MDGA2: variants seen among roughly 807,000 people sequenced by gnomAD.
MDGA2 encodes MAM domain containing glycosylphosphatidylinositol anchor 2.
Under a neutral mutation model 117.8 loss-of-function variants are expected in MDGA2, and 40 were observed. That is an observed-to-expected ratio of 0.34 (90% CI 0.26 to 0.44). MDGA2 has a LOEUF of 0.44. MDGA2 is among the 20% of genes least tolerant of loss of function. The pLI is 1.00. For synonymous variants in MDGA2, 452 were observed against 439.0 expected (o/e 1.03, Z -0.37); for missense variants, 1,123 against 1,250.6 (o/e 0.90, Z 1.54).
intron 10 of MDGA2, among the ~76,000 whole-genome samples, chr14:46,919,035 T>C (rs969345054): frequency 5.3e-5 from 8 of 152,186 alleles, no homozygotes; most frequent in Non-Finnish European, 1.0e-4. Context: ...GTGCTGGGAT[T>C]ACAGGCGTGA....
intron 1 of MDGA2, among the ~76,000 whole-genome samples, chr14:47,339,242 CTTTA>C: frequency 6.6e-6 from 1 of 151,896 alleles, no homozygotes; most frequent in Non-Finnish European, 1.5e-5. Context: ...TTTTGCATGG[CTTTA>C]TTTAATATTA....
chr14:47,290,537 T>C (rs1888846070), intron 2 of MDGA2, among the ~76,000 whole-genome samples: 1 of 152,034 alleles, frequency 6.6e-6, no homozygotes, highest in African/African-American at 2.4e-5. Context: ...TCTTAAGAAA[T>C]AAAAACAAAA....
chr14:47,191,213 C>A (rs1240877345), intron 3 of MDGA2, among the ~76,000 whole-genome samples: 1 of 151,784 alleles, frequency 6.6e-6, no homozygotes, highest in Non-Finnish European at 1.5e-5. Context: ...CATATTAGCA[C>A]TTCAAATATT....
chr14:47,199,038 T>C (rs906540731), intron 3 of MDGA2, among the ~76,000 whole-genome samples: 1 of 152,124 alleles, frequency 6.6e-6, no homozygotes, highest in African/African-American at 2.4e-5. Context: ...TAAGTTTCCA[T>C]CCTGCTGCTT....
chr14:47,547,146 A>G (rs1895478766), intron 1 of MDGA2, among the ~76,000 whole-genome samples: 1 of 152,168 alleles, frequency 6.6e-6, no homozygotes, highest in South Asian at 2.1e-4. Context: ...GTCCTAACCT[A>G]ATTTTTTCAT....
At chr14:46,872,124 C>G (rs1284743271) in intron 14 of MDGA2, among the ~76,000 whole-genome samples, 1 of 151,976 alleles carries the variant, frequency 6.6e-6, no homozygotes, top group African/African-American at 2.4e-5. Context: ...TTCACACAAA[C>G]TTCTTGAGGT....
At chr14:46,843,715 C>G (rs906658132) in intron 16 of MDGA2, among the ~76,000 whole-genome samples, 8 of 152,000 alleles carry the variant, frequency 5.3e-5, no homozygotes, top group Non-Finnish European at 1.2e-4. Flanking sequence ...TATGAGTAAT[C>G]AGTGGACAAT....
intron 5 of MDGA2, among the ~76,000 whole-genome samples, chr14:47,105,151 TGGG>T (rs923393256): frequency 1.9e-4 from 29 of 152,186 alleles, no homozygotes; most frequent in Non-Finnish European, 3.4e-4. Context: ...CCCGCTTTCC[TGGG>T]GCAGGGGCAA....
intron 1 of MDGA2, among the ~76,000 whole-genome samples, chr14:47,307,684 T>TG (rs397853293): frequency 2.9e-4 from 43 of 150,568 alleles, no homozygotes; most frequent in African/African-American, 7.3e-4. Flanking sequence ...AGATACTCTG[T>TG]GGGGGGGAAA....
rs1214749498 is a variant in MDGA2, at chr14:47,039,066, C to A, written c.1526-3762G>T. Among the ~76,000 whole-genome samples the A allele has an allele frequency of 4.6e-5, 7 of 152,206 alleles. No individual in the cohort carries two copies. The East Asian group carries it at 1.2e-3, about 25-fold the overall frequency. On this transcript the variant is annotated intron_variant, in intron 7 of 16. Coordinates refer to ENST00000399232, the MANE Select transcript of MDGA2 (RefSeq NM_001113498.3). ...ACCTGTTATATGTTTTTCTATCTTTCTGTCCCCACTAAATTTTCTATCTCT... is the reference window on the plus strand; with the variant it reads ...ACCTGTTATATGTTTTTCTATCTTTATGTCCCCACTAAATTTTCTATCTCT...
At position 46,881,009 on chromosome 14, in the gene MDGA2, AACACAC is replaced by A. The variant is rs72117373; in HGVS notation, c.2416+1029_2416+1034del. ...AGTTAATAAAAAGAAAACTATCACT[AACACAC>A]ACACACACACACACACACACACACA... On this transcript the variant is annotated intron_variant, in intron 11 of 16. Transcript: ENST00000399232. Among the ~76,000 whole-genome samples the A allele has an allele frequency of 9.1e-3, 1,332 of 145,672 alleles. 10 individuals are homozygous for A. The highest frequency in any genetic ancestry group is 0.02 in the African/African-American group (794 of 40,044).
At chr14:47,100,050 C>A (rs1411699428) in intron 5 of MDGA2, among the ~76,000 whole-genome samples, 1 of 151,952 alleles carries the variant, frequency 6.6e-6, no homozygotes, top group Non-Finnish European at 1.5e-5. Flanking sequence ...TTGCATACTG[C>A]AGAAATATCT....
At chr14:46,989,093 A>G (rs1886979674) in intron 8 of MDGA2, among the ~76,000 whole-genome samples, 1 of 152,206 alleles carries the variant, frequency 6.6e-6, no homozygotes, top group East Asian at 1.9e-4. Flanking sequence ...TACTCATTAC[A>G]TGCACTCATA....
At chr14:47,013,979 T>C (rs1312733661) in intron 8 of MDGA2, among the ~76,000 whole-genome samples, 2 of 151,096 alleles carry the variant, frequency 1.3e-5, no homozygotes, top group African/African-American at 2.4e-5. Context: ...GTTTTTAGTA[T>C]AGATGGGGTT....
chr14:47,525,913 T>TTA (rs1430311789), intron 1 of MDGA2, among the ~76,000 whole-genome samples: 1 of 152,076 alleles, frequency 6.6e-6, no homozygotes, highest in African/African-American at 2.4e-5. Flanking sequence ...GAACTCTAAA[T>TTA]TATATATATG....
In MDGA2 at chr14:47,389,610, A is replaced by ACACACC. The variant is rs761159361; in HGVS notation, c.281-88061_281-88060insGGTGTG. On this transcript the variant is annotated intron_variant, in intron 1 of 16. Transcript: ENST00000399232. The stretch of plus-strand genomic sequence containing the variant: ...GGAAAACACACACACACACACCCAC[A>ACACACC]CACACACACACACACACACACACAC... Among the ~76,000 whole-genome samples, 800 of 97,902 alleles carry ACACACC rather than the reference A, an allele frequency of 8.2e-3. 4 individuals carry two copies. The highest frequency in any genetic ancestry group is 0.01 in the Admixed American group (112 of 11,106). 64.2% of individuals were successfully genotyped at this position (97,902 alleles called of 152,430 possible).
rs192786389 is a variant in MDGA2, at chr14:47,345,232, C to A, written c.281-43682G>T. Among the ~76,000 whole-genome samples the A allele has an allele frequency of 7.2e-5, 11 of 152,132 alleles. No homozygotes were observed. The East Asian group carries it at 2.1e-3, about 29-fold the overall frequency. ...TGAATACTAAATGTTCAACAGATGG[C>A]TCTCCTTCGATTTTATCCAATCTGG... On this transcript the variant is annotated intron_variant, in intron 1 of 16. Transcript: ENST00000399232.
intron 1 of MDGA2, among the ~76,000 whole-genome samples, chr14:47,458,998 G>T (rs1893424103): frequency 6.6e-6 from 1 of 150,740 alleles, no homozygotes; most frequent in Non-Finnish European, 1.5e-5. Context: ...TTTAACTAGG[G>T]AGAGAAGTAT....
intron 1 of MDGA2, among the ~76,000 whole-genome samples, chr14:47,333,748 A>G (rs919730028): frequency 2.3e-4 from 34 of 149,582 alleles, no homozygotes; most frequent in African/African-American, 7.4e-4. Flanking sequence ...AAAATAAGAT[A>G]ATTTCACAGA....
Sources: allele counts gnomAD v4.1 joint callset (sites outside exome capture counted in the v4.1 genomes callset), GRCh38; gene constraint gnomAD v4.1.1; transcripts MANE v1.5; gene names NCBI Gene and HGNC (gene_info 2026-07-23, HGNC 2026-07-21).